The following NBAS variants were observed in gnomAD, a reference collection of about 807,000 sequenced individuals.
NBAS encodes the protein NAG/BC035112 fusion.
NBAS carries 219 observed loss-of-function variants against 302.5 expected under a neutral mutation model. That is an observed-to-expected ratio of 0.72 (90% CI 0.65 to 0.81). NBAS has a LOEUF of 0.81. NBAS is among the 30% of genes least tolerant of loss of function. The pLI, the probability that NBAS is intolerant of heterozygous loss-of-function variation, is 0.00. For synonymous variants in NBAS, 1,118 were observed against 1,021.6 expected (o/e 1.09, Z -1.80); for missense variants, 2,932 against 2,841.6 (o/e 1.03, Z -0.72).
At chr2:15,158,935 A>T in the NBAS span, among the ~76,000 whole-genome samples, 1 of 152,196 alleles carries the variant, frequency 6.6e-6, no homozygotes, top group Non-Finnish European at 1.5e-5. Context: ...TGGTTGTGAG[A>T]GTAAACAATT....
intron 37 of NBAS, 141 bp downstream of exon 37, chr2:15,328,058 C>A: frequency 8.7e-7 from 1 of 1,153,604 alleles, no homozygotes. Flanking sequence ...TAATATATAC[C>A]AAAAAAATGT....
chr2:15,484,235 C>A (rs1680537948), intron 12 of NBAS, among the ~76,000 whole-genome samples: 1 of 152,178 alleles, frequency 6.6e-6, no homozygotes, highest in African/African-American at 2.4e-5. Context: ...GCTGATATAT[C>A]TCCCTTGCTT....
the NBAS span, among the ~76,000 whole-genome samples, chr2:15,048,819 G>A: frequency 2.5e-3 from 377 of 152,278 alleles, 3 homozygotes; most frequent in African/African-American, 8.8e-3. Flanking sequence ...CTGCACATGC[G>A]GGCTCAGCCA....
At chr2:15,464,116 G>A (rs1679626214) in intron 19 of NBAS, among the ~76,000 whole-genome samples, 1 of 152,086 alleles carries the variant, frequency 6.6e-6, no homozygotes, top group African/African-American at 2.4e-5. Flanking sequence ...ACTGACTGAA[G>A]TTCTTTATAA....
chr2:15,133,964 G>A, the NBAS span, among the ~76,000 whole-genome samples: 30 of 151,850 alleles, frequency 2.0e-4, no homozygotes, highest in African/African-American at 6.0e-4. Context: ...CAAATCCCTC[G>A]GGGATTGTGA....
the NBAS span, among the ~76,000 whole-genome samples, chr2:14,846,376 A>T: frequency 2.6e-5 from 4 of 152,022 alleles, no homozygotes; most frequent in Non-Finnish European, 5.9e-5. Flanking sequence ...TCCCAGACAG[A>T]CAAAAGCTGA....
chr2:15,135,402 G>A, the NBAS span, among the ~76,000 whole-genome samples: 3 of 152,152 alleles, frequency 2.0e-5, no homozygotes, highest in Non-Finnish European at 4.4e-5. Context: ...GTGCAGTCTT[G>A]GCATGAGGTG....
At chr2:15,029,097 G>A in the NBAS span, among the ~76,000 whole-genome samples, 4 of 152,184 alleles carry the variant, frequency 2.6e-5, no homozygotes, top group African/African-American at 7.2e-5. Context: ...TGTACAGTGT[G>A]TGTTCAGGGC....
the NBAS span, among the ~76,000 whole-genome samples, chr2:14,947,970 A>C: frequency 4.0e-4 from 61 of 151,886 alleles, no homozygotes; most frequent in Non-Finnish European, 8.0e-4. Context: ...GGATGAGTCC[A>C]GTTTGATCAT....
At chr2:15,315,145 C>G (rs555551601) in intron 38 of NBAS, among the ~76,000 whole-genome samples, 9 of 152,144 alleles carry the variant, frequency 5.9e-5, no homozygotes, top group Non-Finnish European at 1.3e-4. Context: ...TTTTGTAATT[C>G]ACTGTAAATT....
chr2:14,812,420 A>G, the NBAS span, among the ~76,000 whole-genome samples: 1 of 152,144 alleles, frequency 6.6e-6, no homozygotes, highest in Non-Finnish European at 1.5e-5. Flanking sequence ...GTCCCCCACA[A>G]TCTCTAATAT....
At chr2:15,334,601 T>A (rs1296145519) in intron 35 of NBAS, among the ~76,000 whole-genome samples, 1 of 152,220 alleles carries the variant, frequency 6.6e-6, no homozygotes, top group Non-Finnish European at 1.5e-5. Flanking sequence ...CATTTATTTT[T>A]CTGTGTTATA....
chr2:15,440,652 G>A (rs1558340789), intron 21 of NBAS, among the ~76,000 whole-genome samples: 1 of 152,248 alleles, frequency 6.6e-6, no homozygotes, highest in Non-Finnish European at 1.5e-5. Flanking sequence ...GGACAAAGCT[G>A]GATGGAGAAT....
In NBAS at chr2:15,327,834, C is replaced by G. The variant is rs1195943451; in HGVS notation, c.4498G>C (p.Val1500Leu). 1 of 1,613,628 alleles carries G rather than the reference C, an allele frequency of 6.2e-7. No homozygotes were observed. The highest frequency in any genetic ancestry group is 1.1e-5 in the South Asian group (1 of 91,078). The change falls in exon 38 of 52, where the codon GTG becomes CTG. Residue 1500 changes from valine (V) to leucine (L), a missense_variant. By Grantham distance (32) the Val-to-Leu change is conservative. Coordinates refer to ENST00000281513, the MANE Select transcript of NBAS (RefSeq NM_015909.4). ...AGCAATACTTCTGCAAAGCTTTCCA[C>G]TGGAACATGCTGATAGGTGTCATAG... ...GTYDTYQHVP[V>L]ESFAEVLLRT...
chr2:15,227,943 AT>A (rs1280309688), intron 47 of NBAS, among the ~76,000 whole-genome samples: 1 of 152,200 alleles, frequency 6.6e-6, no homozygotes, highest in African/African-American at 2.4e-5. Flanking sequence ...GATATTTTGA[AT>A]AAGACCCCAA....
chr2:14,917,664 A>G, the NBAS span, among the ~76,000 whole-genome samples: 1 of 152,228 alleles, frequency 6.6e-6, no homozygotes, highest in African/African-American at 2.4e-5. Context: ...GGACACCAGG[A>G]GACTAAACAT....
chr2:14,960,187 A>T, the NBAS span, among the ~76,000 whole-genome samples: 2 of 152,226 alleles, frequency 1.3e-5, no homozygotes, highest in Non-Finnish European at 2.9e-5. Context: ...GACTCTTAAC[A>T]TCTGATTGAG....
chr2:15,491,489 C>A (rs1470813655), intron 11 of NBAS, among the ~76,000 whole-genome samples: 1 of 152,216 alleles, frequency 6.6e-6, no homozygotes. Flanking sequence ...GTAATCCCAG[C>A]ACTTTGGGAG....
intron 44 of NBAS, among the ~76,000 whole-genome samples, chr2:15,256,674 A>G (rs1465820931): frequency 6.6e-6 from 1 of 152,170 alleles, no homozygotes; most frequent in Non-Finnish European, 1.5e-5. Flanking sequence ...CCTGTTCAGT[A>G]TAATGTTGGC....
Sources: allele counts gnomAD v4.1 joint callset (sites outside exome capture counted in the v4.1 genomes callset), GRCh38; gene constraint gnomAD v4.1.1; transcripts MANE v1.5; gene names NCBI Gene and HGNC (gene_info 2026-07-23, HGNC 2026-07-21).